CBFA2T2: variants seen among roughly 807,000 people sequenced by gnomAD.
CBFA2T2 encodes the protein CBFA2/RUNX1 partner transcriptional co-repressor 2.
Under a neutral mutation model 62.2 loss-of-function variants are expected in CBFA2T2, and 11 were observed. That is an observed-to-expected ratio of 0.18 (90% CI 0.11 to 0.29). The LOEUF (loss-of-function observed/expected upper bound fraction) is 0.29, where lower values mean the gene tolerates loss of function less well. Among genes scored for constraint, CBFA2T2 ranks in the 10% least tolerant of loss-of-function variants. The pLI is 1.00. For synonymous variants in CBFA2T2, 295 were observed against 287.5 expected, an observed-to-expected ratio of 1.03 and a Z score of -0.27; for missense variants, 592 against 774.1, an observed-to-expected ratio of 0.76 and a Z score of 2.79.
chr20:33,632,471 C>CTTT (rs60957531), intron 8 of CBFA2T2, among the ~76,000 whole-genome samples: 18,944 of 137,750 alleles, frequency 0.14, 1,652 homozygotes, highest in East Asian at 0.38. Context: ...TCACCAATGA[C>CTTT]TTTTTTTTTT....
At chr20:33,512,774 G>A (rs2011532643) in intron 1 of CBFA2T2, among the ~76,000 whole-genome samples, 2 of 147,474 alleles carry the variant, frequency 1.4e-5, no homozygotes, top group South Asian at 4.3e-4. Context: ...TTTTGGAGAC[G>A]GAGTCTCAAC....
At chr20:33,581,353 A>G (rs75529634) in intron 1 of CBFA2T2, among the ~76,000 whole-genome samples, 1 of 152,284 alleles carries the variant, frequency 6.6e-6, no homozygotes, top group South Asian at 2.1e-4. Flanking sequence ...CACCAGGCCC[A>G]GCCATGTCTG....
intron 1 of CBFA2T2, among the ~76,000 whole-genome samples, chr20:33,551,106 C>T (rs1412630240): frequency 2.0e-5 from 3 of 152,124 alleles, no homozygotes; most frequent in African/African-American, 7.2e-5. Flanking sequence ...AGAAGGAAAT[C>T]AGTTGGTGGT....
chr20:33,643,069 T>TA (rs2016912342), intron 10 of CBFA2T2, among the ~76,000 whole-genome samples: 2 of 152,258 alleles, frequency 1.3e-5, no homozygotes, highest in Non-Finnish European at 2.9e-5. Context: ...AATGTTCAGC[T>TA]AGAATATCCT....
intron 1 of CBFA2T2, among the ~76,000 whole-genome samples, chr20:33,528,984 T>C (rs1158834479): frequency 6.6e-6 from 1 of 152,144 alleles, no homozygotes; most frequent in Non-Finnish European, 1.5e-5. Flanking sequence ...TCTTTTCCTT[T>C]TGGGAGTTTG....
At chr20:33,548,324 A>G (rs1172988301) in intron 1 of CBFA2T2, among the ~76,000 whole-genome samples, 1 of 151,518 alleles carries the variant, frequency 6.6e-6, no homozygotes, top group African/African-American at 2.4e-5. Context: ...GCTCACTGCA[A>G]CCTCTGCCTC....
intron 1 of CBFA2T2, among the ~76,000 whole-genome samples, chr20:33,552,324 A>G (rs1196758894): frequency 6.6e-6 from 1 of 152,206 alleles, no homozygotes; most frequent in East Asian, 1.9e-4. Context: ...CATGTGCTAA[A>G]TAGAAAGAAA....
At chr20:33,589,048 C>T (rs1044367198) in intron 1 of CBFA2T2, among the ~76,000 whole-genome samples, 1 of 152,112 alleles carries the variant, frequency 6.6e-6, no homozygotes, top group Non-Finnish European at 1.5e-5. Flanking sequence ...AAGCTGAAGA[C>T]CTATTTCTAA....
chr20:33,516,144 A>G (rs7275117), intron 1 of CBFA2T2, among the ~76,000 whole-genome samples: 3,385 of 152,032 alleles, frequency 0.022, 119 homozygotes, highest in African/African-American at 0.077. Flanking sequence ...AAAAATGTAA[A>G]AATAAATTCA....
chr20:33,559,899 C>T (rs1158197472), intron 1 of CBFA2T2, among the ~76,000 whole-genome samples: 1 of 152,172 alleles, frequency 6.6e-6, no homozygotes, highest in Admixed American at 6.5e-5. Flanking sequence ...GATTGATGGC[C>T]TGATTGCTTT....
intron 1 of CBFA2T2, 85 bp downstream of exon 1, chr20:33,490,386 G>A: frequency 8.4e-7 from 1 of 1,186,122 alleles, no homozygotes; most frequent in Non-Finnish European, 1.1e-6. Flanking sequence ...AGTGCCCCGG[G>A]CGCGAGGCCG....
intron 1 of CBFA2T2, among the ~76,000 whole-genome samples, chr20:33,499,473 T>TGACATGTGACAGACC (rs2011243808): frequency 6.6e-6 from 1 of 152,212 alleles, no homozygotes; most frequent in African/African-American, 2.4e-5. Flanking sequence ...TGAGCTAGTG[T>TGACATGTGACAGACC]TTGTACATGT....
intron 1 of CBFA2T2, chr20:33,601,809 A>AT (rs11404798): frequency 0.59 from 86,947 of 147,382 alleles, 26,811 homozygotes; most frequent in African/African-American, 0.79. Context: ...ATTCTAATAG[A>AT]TTTTTTTTTT....
rs145118968 is a variant in CBFA2T2 at position 33,621,040 on chromosome 20, G to A, written c.510+1434G>A. On this transcript the variant is annotated intron_variant, in intron 4 of 10. Coordinates refer to ENST00000342704, the MANE Select transcript of CBFA2T2 (RefSeq NM_001032999.3). ...ATCACCCATTGCATTTTGTTGTCACGTCTCTTTAGTCCACTTTAATCTGGC... is the reference window on the plus strand; with the variant it reads ...ATCACCCATTGCATTTTGTTGTCACATCTCTTTAGTCCACTTTAATCTGGC... Among the ~76,000 whole-genome samples the A allele has an allele frequency of 5.5e-4, 83 of 152,144 alleles. No homozygotes were observed. In the Middle Eastern group the frequency reaches 0.02, roughly 37 times the overall value.
At chr20:33,495,875 C>T (rs910558208) in intron 1 of CBFA2T2, among the ~76,000 whole-genome samples, 4 of 151,900 alleles carry the variant, frequency 2.6e-5, no homozygotes, top group Admixed American at 6.6e-5. Context: ...AAATTTCTAC[C>T]CCATTTGCAG....
In CBFA2T2 at chr20:33,644,554, G is replaced by A. The variant is rs758482628; in HGVS notation, c.1696G>A (p.Val566Met). ...CTCTGCCAGGTCCGCCGACTGCAGC[G>A]TGCCCAGCCCAGCCCTCGACAAGAC... ...GSSARSADCS[V>M]PSPALDKTSA... Residue 566 changes from valine (V) to methionine (M), a missense_variant, in exon 11 of 11, where the codon GTG (valine) becomes ATG (methionine). Around this residue, in one of 3 missense-constraint regions of CBFA2T2, gnomAD observed 85 missense variants for 99.0 expected, o/e 0.86. Coordinates refer to ENST00000342704, the MANE Select transcript of CBFA2T2 (RefSeq NM_001032999.3). 1.7e-5 allele frequency: 28 copies of A among 1,613,884 alleles called. No homozygotes were observed. The highest frequency in any genetic ancestry group is 1.1e-4 in the East Asian group (5 of 44,890).
intron 1 of CBFA2T2, among the ~76,000 whole-genome samples, chr20:33,525,807 A>C (rs542795356): frequency 6.6e-6 from 1 of 152,100 alleles, no homozygotes; most frequent in East Asian, 1.9e-4. Context: ...ACATGCCACC[A>C]TGCCTGTGAC....
In CBFA2T2 at chr20:33,594,555, G is replaced by A. The variant is rs116003896; in HGVS notation, c.35-12401G>A. On this transcript the variant is annotated intron_variant, in intron 1 of 10. Coordinates refer to ENST00000342704, the MANE Select transcript of CBFA2T2 (RefSeq NM_001032999.3). Reference sequence around the variant, plus strand: ...TTTCCTCTAGAAGGTTCTGTGTTCCGCAGACATTTAGCACAGATGTATCAA... The same window carrying A: ...TTTCCTCTAGAAGGTTCTGTGTTCCACAGACATTTAGCACAGATGTATCAA... 5.4e-3 allele frequency among the ~76,000 whole-genome samples: 824 copies of A among 152,128 alleles called. 8 individuals carry two copies. The highest frequency in any genetic ancestry group is 0.016 in the African/African-American group (680 of 41,512).
chr20:33,610,471 G>A (rs1322091833), intron 2 of CBFA2T2, among the ~76,000 whole-genome samples: 2 of 152,212 alleles, frequency 1.3e-5, no homozygotes, highest in African/African-American at 4.8e-5. Context: ...TCAGGAAGAT[G>A]CTTTATTGAA....
Sources: gnomAD v4.1 joint callset for allele counts (sites outside exome capture counted in the v4.1 genomes callset) on GRCh38, gnomAD v4.1.1 for gene constraint, gnomAD v4.1.1 regional missense constraint, MANE v1.5 for transcripts, NCBI Gene and HGNC (gene_info 2026-07-23, HGNC 2026-07-21) for gene names.